ST8SIA1: variants seen among roughly 807,000 people sequenced by gnomAD.
The protein encoded by ST8SIA1 is ST8 alpha-N-acetyl-neuraminide alpha-2,8-sialyltransferase 1, also known as alpha-N-acetylneuraminide alpha-2,8-sialyltransferase.
In ST8SIA1, 16 loss-of-function variants were observed where a neutral mutation model predicts 35.9. That is an observed-to-expected ratio of 0.45 (90% CI 0.30 to 0.68). ST8SIA1 has a LOEUF of 0.68. Ranked by LOEUF, ST8SIA1 falls within the 30% of genes least tolerant of loss-of-function variation. ST8SIA1 has a pLI of 0.09. For missense variants in ST8SIA1, 383 were observed against 453.6 expected (o/e 0.84, Z 1.41); for synonymous variants, 170 against 169.6 (o/e 1.00, Z -0.02).
intron 4 of ST8SIA1, among the ~76,000 whole-genome samples, chr12:22,222,938 A>G (rs1317766213): frequency 1.3e-5 from 2 of 152,172 alleles, no homozygotes; most frequent in Non-Finnish European, 2.9e-5. Context: ...CTGATGTGAA[A>G]GAGCCAAATT....
intron 2 of ST8SIA1, among the ~76,000 whole-genome samples, chr12:22,260,074 G>T (rs1403363180): frequency 6.6e-6 from 1 of 151,608 alleles, no homozygotes; most frequent in Non-Finnish European, 1.5e-5. Flanking sequence ...TAACACTCTT[G>T]CTAACCTTAA....
At chr12:22,254,512 T>C (rs1034148005) in intron 3 of ST8SIA1, among the ~76,000 whole-genome samples, 2 of 152,182 alleles carry the variant, frequency 1.3e-5, no homozygotes, top group Non-Finnish European at 2.9e-5. Flanking sequence ...TCACTCTTTG[T>C]CCTTCTTCCC....
At chr12:22,308,452 A>C (rs1468543525) in intron 1 of ST8SIA1, among the ~76,000 whole-genome samples, 1 of 152,210 alleles carries the variant, frequency 6.6e-6, no homozygotes, top group Non-Finnish European at 1.5e-5. Flanking sequence ...CTGCTCTCTG[A>C]CATCTTCAAA....
At chr12:22,239,705 T>C (rs898446429) in intron 4 of ST8SIA1, among the ~76,000 whole-genome samples, 11 of 152,208 alleles carry the variant, frequency 7.2e-5, no homozygotes, top group Non-Finnish European at 1.5e-4. Context: ...TGTGTGCATT[T>C]TGAGTGTTTG....
intron 4 of ST8SIA1, among the ~76,000 whole-genome samples, chr12:22,205,639 C>T (rs1324237534): frequency 2.6e-5 from 4 of 152,038 alleles, no homozygotes. Flanking sequence ...TAAAATCTAG[C>T]TGGCACAGTG....
chr12:22,212,750 T>A (rs910489298), intron 4 of ST8SIA1, among the ~76,000 whole-genome samples: 5 of 152,236 alleles, frequency 3.3e-5, no homozygotes, highest in Non-Finnish European at 5.9e-5. Flanking sequence ...ATGATAATAG[T>A]CCCTTTCCCA....
At chr12:22,284,766 G>A (rs1284440187) in intron 2 of ST8SIA1, among the ~76,000 whole-genome samples, 1 of 152,176 alleles carries the variant, frequency 6.6e-6, no homozygotes, top group Non-Finnish European at 1.5e-5. Flanking sequence ...AAGAGGCACA[G>A]AATTCATTTG....
At chr12:22,313,480 A>T (rs1866478850) in intron 1 of ST8SIA1, among the ~76,000 whole-genome samples, 1 of 152,174 alleles carries the variant, frequency 6.6e-6, no homozygotes, top group African/African-American at 2.4e-5. Flanking sequence ...AAAATGGGAT[A>T]ATGGCCAAAT....
intron 2 of ST8SIA1, among the ~76,000 whole-genome samples, chr12:22,276,457 A>T (rs922190963): frequency 1.3e-5 from 2 of 152,226 alleles, no homozygotes; most frequent in African/African-American, 4.8e-5. Context: ...GCAAGCTCTC[A>T]GCCATGGGCA....
intron 4 of ST8SIA1, among the ~76,000 whole-genome samples, chr12:22,211,584 G>C (rs1865176496): frequency 6.6e-6 from 1 of 152,200 alleles, no homozygotes; most frequent in Non-Finnish European, 1.5e-5. Context: ...TATCTGTAAT[G>C]CTTTTAATTT....
intron 4 of ST8SIA1, among the ~76,000 whole-genome samples, chr12:22,220,663 A>T (rs1225204131): frequency 6.6e-6 from 1 of 152,232 alleles, no homozygotes; most frequent in Non-Finnish European, 1.5e-5. Flanking sequence ...TTTCAAAGTA[A>T]AAACAGTGTT....
intron 1 of ST8SIA1, among the ~76,000 whole-genome samples, chr12:22,300,599 T>C (rs1204456397): frequency 6.6e-6 from 1 of 152,156 alleles, no homozygotes; most frequent in African/African-American, 2.4e-5. Flanking sequence ...ACAAGTTTCA[T>C]TGGCTTCGTG....
rs780812955 is a variant in ST8SIA1 at position 22,263,890 on chromosome 12, T to G, written c.382-8501A>C. Among the ~76,000 whole-genome samples, 32 of 152,138 alleles carry G rather than the reference T, an allele frequency of 2.1e-4. 1 individual carries two copies. The highest frequency in any genetic ancestry group is 3.8e-4 in the Non-Finnish European group (26 of 68,026). On this transcript the variant is annotated intron_variant, in intron 2 of 4. Transcript: ENST00000396037. ...GAGTTTGCTTTGCAAGCCTTCAGAGTGGTCTGAAAGGCTGTCACTACATGC... is the reference window on the plus strand; with the variant it reads ...GAGTTTGCTTTGCAAGCCTTCAGAGGGGTCTGAAAGGCTGTCACTACATGC...
At chr12:22,228,855 A>G (rs901867456) in intron 4 of ST8SIA1, among the ~76,000 whole-genome samples, 3 of 152,216 alleles carry the variant, frequency 2.0e-5, no homozygotes, top group African/African-American at 7.2e-5. Flanking sequence ...GGAGTTCAAG[A>G]CCAGCCTGGC....
intron 1 of ST8SIA1, among the ~76,000 whole-genome samples, chr12:22,321,261 T>A (rs1208233838): frequency 1.3e-5 from 2 of 152,088 alleles, no homozygotes; most frequent in Non-Finnish European, 2.9e-5. Flanking sequence ...GGATAGGGGA[T>A]CTCCCTGTGG....
rs1047532142 is a variant in ST8SIA1, at chr12:22,198,064, T to G, written c.*3488A>C. ...TGACTTAATCCTTCACCTACCTTCA[T>G]GATCTTTGGAATCAATGCAGTTCTC... On this transcript the variant is annotated 3_prime_UTR_variant, in exon 5 of 5. Coordinates refer to ENST00000396037, the MANE Select transcript of ST8SIA1 (RefSeq NM_003034.4). 6.6e-6 allele frequency: 1 copy of G among 152,196 alleles called. No homozygotes were observed. Among genetic ancestry groups the G allele is most frequent in the Admixed American group, 6.5e-5 (1 of 15,274 alleles). 9.4% of individuals were successfully genotyped at this position (152,196 alleles called of 1,614,324 possible).
At chr12:22,230,279 C>G (rs7311007) in intron 4 of ST8SIA1, among the ~76,000 whole-genome samples, 118,239 of 151,998 alleles carry the variant, frequency 0.78, 46,202 homozygotes, top group South Asian at 0.93. Context: ...GTTGCCATGA[C>G]ATGTAAACCA....
At chr12:22,254,879 C>T (rs997598429) in intron 3 of ST8SIA1, among the ~76,000 whole-genome samples, 1 of 152,102 alleles carries the variant, frequency 6.6e-6, no homozygotes, top group Non-Finnish European at 1.5e-5. Context: ...TGATCAAAAA[C>T]TAAGAAGAAT....
intron 2 of ST8SIA1, among the ~76,000 whole-genome samples, chr12:22,273,313 C>G (rs940997694): frequency 6.6e-6 from 1 of 152,208 alleles, no homozygotes; most frequent in Admixed American, 6.5e-5. Context: ...GCTTTCTACA[C>G]TGTCATGTCC....
Sources: allele counts gnomAD v4.1 joint callset (sites outside exome capture counted in the v4.1 genomes callset), GRCh38; gene constraint gnomAD v4.1.1; transcripts MANE v1.5; gene names NCBI Gene and HGNC (gene_info 2026-07-23, HGNC 2026-07-21).